Variants in PLBD2 observed in about 807,000 individuals in gnomAD.
PLBD2 encodes phospholipase B domain containing 2.
In PLBD2, 51 loss-of-function variants were observed where a neutral mutation model predicts 68.3. That is an observed-to-expected ratio of 0.75 (90% confidence interval 0.60 to 0.94). The LOEUF is 0.94. Among genes scored for constraint, PLBD2 ranks in the 40% least tolerant of loss-of-function variants. The probability of loss-of-function intolerance (pLI) is 0.00; values close to 1 mark genes in which losing one functional copy is unlikely to be tolerated. For missense variants in PLBD2, 729 were observed against 792.2 expected (o/e 0.92, Z 0.96); for synonymous variants, 314 against 339.3 (o/e 0.93, Z 0.82).
intron 5 of PLBD2, among the ~76,000 whole-genome samples, chr12:113,377,675 C>G (rs990408250): frequency 3.3e-5 from 5 of 152,202 alleles, no homozygotes; most frequent in Non-Finnish European, 4.4e-5. Flanking sequence ...ATCCAACCGC[C>G]TGTCCTGATT....
At position 113,388,864 on chromosome 12, in the gene PLBD2, C is replaced by T. The variant is rs1037187504; in HGVS notation, c.*238C>T. ...CTCTTCTGCCCTGCCCTAAATCTCC[C>T]ACTCTCTGTTTCTGTCTGTTTCCTA... On this transcript the variant is annotated 3_prime_UTR_variant, in exon 12 of 12. Transcript: ENST00000280800. The T allele has an allele frequency of 2.3e-6, 1 of 427,300 alleles. No homozygotes were observed. The highest frequency in any genetic ancestry group is 4.1e-6 in the Non-Finnish European group (1 of 243,954). The allele number at this position is 427,300 out of a possible 1,614,324, so 26.5% of individuals were successfully genotyped here. A position where few individuals can be genotyped will look rare whatever the true frequency, so the allele number is the denominator to read the frequency against.
At chr12:113,360,534 C>G (rs7958710) in intron 1 of PLBD2, among the ~76,000 whole-genome samples, 183 of 152,348 alleles carry the variant, frequency 1.2e-3, no homozygotes, top group African/African-American at 4.1e-3. Flanking sequence ...GGCTCAGCCC[C>G]TCTGCTGTGT....
chr12:113,378,821 G>A (rs1656893570), intron 5 of PLBD2, among the ~76,000 whole-genome samples: 1 of 152,096 alleles, frequency 6.6e-6, no homozygotes, highest in Non-Finnish European at 1.5e-5. Flanking sequence ...GAGTAGCTGG[G>A]ACTACGGGCA....
At chr12:113,374,640 T>G in intron 4 of PLBD2, 66 bp downstream of exon 4, 1 of 1,481,436 alleles carries the variant, frequency 6.8e-7, no homozygotes, top group Non-Finnish European at 9.3e-7. Flanking sequence ...CGGACAGACC[T>G]GGGTTCCAGC....
chr12:113,361,338 TTTG>T (rs1957293036), intron 1 of PLBD2, among the ~76,000 whole-genome samples: 1 of 148,516 alleles, frequency 6.7e-6, no homozygotes, highest in Non-Finnish European at 1.5e-5. Context: ...TTTTTTTTTT[TTTG>T]TTTTTTTTTT....
chr12:113,385,282 C>T lies in PLBD2; in HGVS notation c.1285C>T (p.Pro429Ser). The T allele has an allele frequency of 6.2e-7, 1 of 1,613,890 alleles. No homozygotes were observed. Among genetic ancestry groups the T allele is most frequent in the Non-Finnish European group, 8.5e-7 (1 of 1,179,758 alleles). ...GACCTACTGGGCCAGCTACAACATA[C>T]CGTGCGTGCCTTCTCACTCCGCTCC... ...QKTYWASYNI[P>S]SFETVFNASG... is the part of the protein sequence containing the mutation. The change falls in exon 9 of 12, where the codon CCG (proline) becomes TCG (serine). Residue 429 changes from proline (P) to serine (S), a missense_variant and splice_region_variant. Pro to Ser is a moderately conservative substitution (Grantham distance 74, BLOSUM62 -1). Coordinates refer to ENST00000280800, the MANE Select transcript of PLBD2 (RefSeq NM_173542.4).
Position 113,358,739 on chromosome 12 carries a change from G to T in PLBD2, c.139G>T (p.Gly47Cys), listed in dbSNP as rs1178004154. 7.2e-7 allele frequency: 1 copy of T among 1,392,254 alleles called. No individual in the cohort carries two copies. The highest frequency in any genetic ancestry group is 1.7e-5 in the South Asian group (1 of 59,786). 86.2% of individuals were successfully genotyped at this position (1,392,254 alleles called of 1,614,324 possible). Residue 47 changes from glycine to cysteine, a missense_variant, in exon 1 of 12, where the codon GGC becomes TGC. Gly to Cys is a radical substitution (Grantham distance 159, BLOSUM62 -3). Coordinates refer to ENST00000280800, the MANE Select transcript of PLBD2 (RefSeq NM_173542.4). Reference sequence around the variant, plus strand: ...GGCGGGGGCGATCCCAGCGCCGGGGGGCCGCTGGGCGCGCGATGGGCAGGT... The same window carrying T: ...GGCGGGGGCGATCCCAGCGCCGGGGTGCCGCTGGGCGCGCGATGGGCAGGT... ...GLAGAIPAPG[G>C]RWARDGQVPP...
chr12:113,387,747 C>G lies in PLBD2; in HGVS notation c.1443C>G (p.Tyr481Ter), dbSNP rs1957565491. 1.9e-6 allele frequency: 3 copies of G among 1,613,704 alleles called. No homozygotes were observed. Among genetic ancestry groups the G allele is most frequent in the Non-Finnish European group, 2.5e-6 (3 of 1,179,642 alleles). The change falls in exon 11 of 12, where the codon TAC becomes TAG. Residue 481 changes from tyrosine (Y) to a stop codon, truncating the protein, a stop_gained. Coordinates refer to ENST00000280800, the MANE Select transcript of PLBD2 (RefSeq NM_173542.4). LOFTEE classifies it high-confidence loss of function. The part of the protein sequence containing the change: ...DMDSMVRLMR[Y>*]NDFLHDPLSL... ...TTCCCTCCTTTTCCCCATCCAGGTA[C>G]AATGACTTCCTCCATGACCCTCTGT...
At chr12:113,369,559 A>G (rs944196745) in intron 2 of PLBD2, among the ~76,000 whole-genome samples, 11 of 152,206 alleles carry the variant, frequency 7.2e-5, no homozygotes, top group African/African-American at 2.2e-4. Context: ...GAATGGATAC[A>G]TACAACGTGA....
chr12:113,385,221 G>A lies in PLBD2; in HGVS notation c.1224G>A (p.Val408=), dbSNP rs539595356. The A allele has an allele frequency of 1.2e-6, 2 of 1,614,164 alleles. No homozygotes were observed. The highest frequency in any genetic ancestry group is 2.2e-5 in the South Asian group (2 of 91,074). ...CTCTTCTCGGTCTCAGCGGCATGGT[G>A]GTGGTGGCTGACAAGACCTCGGAGC... ...LTILEQIPGM[V]VVADKTSELY... Residue 408 remains valine (V), a synonymous_variant, in exon 9 of 12, where the codon GTG becomes GTA. Coordinates refer to ENST00000280800, the MANE Select transcript of PLBD2 (RefSeq NM_173542.4).
At position 113,388,313 on chromosome 12, in the gene PLBD2, A is replaced by G. The variant is rs561680396; in HGVS notation, c.1603-146A>G. On this transcript the variant is annotated intron_variant, in intron 11 of 11. Transcript: ENST00000280800. ...GCCAAGATCACGTCACTGCACTCCA[A>G]CCTGGGTGACAGAGCAGAGACTCAA... 1.6e-5 allele frequency: 13 copies of G among 792,280 alleles called. No homozygotes were observed. In the African/African-American group the frequency reaches 2.1e-4, roughly 13 times the overall value. The allele number at this position is 792,280 out of a possible 1,614,324, so 49.1% of individuals were successfully genotyped here.
chr12:113,388,511 C>A lies in PLBD2; in HGVS notation c.1655C>A (p.Pro552His). 1.2e-6 allele frequency: 2 copies of A among 1,608,588 alleles called. No homozygotes were observed. Among genetic ancestry groups the A allele is most frequent in the Non-Finnish European group, 1.7e-6 (2 of 1,178,744 alleles). ...RILSLLAASG[P>H]TWDQVPPFQW... Reference sequence around the variant, plus strand: ...CTGAGCCTGCTGGCGGCCAGCGGTCCCACGTGGGACCAGGTGCCCCCGTTC... The same window carrying A: ...CTGAGCCTGCTGGCGGCCAGCGGTCACACGTGGGACCAGGTGCCCCCGTTC... Residue 552 changes from proline (P) to histidine (H), a missense_variant, in exon 12 of 12, where the codon CCC becomes CAC. Coordinates refer to ENST00000280800, the MANE Select transcript of PLBD2 (RefSeq NM_173542.4).
Position 113,372,551 on chromosome 12 carries a change from C to A in PLBD2, c.385-98C>A. 1 of 1,351,644 alleles carries A rather than the reference C, an allele frequency of 7.4e-7. No homozygotes were observed. Among genetic ancestry groups the A allele is most frequent in the Non-Finnish European group, 1.0e-6 (1 of 978,356 alleles). 83.7% of individuals were successfully genotyped at this position (1,351,644 alleles called of 1,614,324 possible). A position where few individuals can be genotyped will look rare whatever the true frequency, so the allele number is the denominator to read the frequency against. On this transcript the variant is annotated intron_variant, in intron 2 of 11. Transcript: ENST00000280800. This position sits in a 1 kb window ranked among gnomAD's most constrained non-coding sequence, Gnocchi z 4.2. ...ATGAGCAAGGACTCAGGTGGCCACA[C>A]CAGCAGCCTCCGCTCTGGGGCAGCC... is the stretch of plus-strand genomic sequence containing the variant.
At chr12:113,387,718 G>C in intron 10 of PLBD2, 26 bp from the exon 11 acceptor site, 1 of 1,607,786 alleles carries the variant, frequency 6.2e-7, no homozygotes, top group South Asian at 1.1e-5. Flanking sequence ...TGGGATGACT[G>C]ATGTTCCCTC....
intron 2 of PLBD2, among the ~76,000 whole-genome samples, chr12:113,370,640 G>A (rs1323129478): frequency 6.6e-6 from 1 of 151,710 alleles, no homozygotes; most frequent in Non-Finnish European, 1.5e-5. Flanking sequence ...ACCACGTCTG[G>A]CTAGTTTTTG....
intron 5 of PLBD2, among the ~76,000 whole-genome samples, chr12:113,379,553 C>G (rs1331479110): frequency 6.6e-6 from 1 of 152,144 alleles, no homozygotes; most frequent in Admixed American, 6.6e-5. Flanking sequence ...GGGTAATGAG[C>G]CTCCAGCATA....
At chr12:113,370,797 G>A (rs1399472928) in intron 2 of PLBD2, among the ~76,000 whole-genome samples, 1 of 152,178 alleles carries the variant, frequency 6.6e-6, no homozygotes, top group Non-Finnish European at 1.5e-5. Flanking sequence ...ATGCTATCAG[G>A]CATTGATGAC....
chr12:113,385,994 G>T (rs1043882777), intron 9 of PLBD2, among the ~76,000 whole-genome samples: 14 of 152,154 alleles, frequency 9.2e-5, no homozygotes, highest in South Asian at 2.1e-4. Flanking sequence ...CAAGTGATCC[G>T]CCTGCCTTGG....
At chr12:113,370,567 C>T (rs776319776) in intron 2 of PLBD2, among the ~76,000 whole-genome samples, 6 of 148,596 alleles carry the variant, frequency 4.0e-5, no homozygotes, top group Non-Finnish European at 8.9e-5. Flanking sequence ...ACCTCTGCCT[C>T]CCTGGGTTCA....
Sources: allele counts gnomAD v4.1 joint callset (sites outside exome capture counted in the v4.1 genomes callset), GRCh38; gene constraint gnomAD v4.1.1; non-coding constraint Gnocchi (gnomAD v3.1); transcripts MANE v1.5; gene names NCBI Gene and HGNC (gene_info 2026-07-23, HGNC 2026-07-21).